DGKB: variants seen among roughly 807,000 people sequenced by gnomAD.
The protein encoded by DGKB is diacylglycerol kinase beta.
In DGKB, 67 loss-of-function variants were observed where a neutral mutation model predicts 114.3. The ratio of observed to expected loss-of-function variants is 0.59; its 90% CI spans 0.48 to 0.72. DGKB has a LOEUF of 0.72. DGKB is among the 30% of genes least tolerant of loss of function. The pLI, the probability that DGKB is intolerant of heterozygous loss-of-function variation, is 0.00. For synonymous variants in DGKB, 398 were observed against 323.1 expected (o/e 1.23, Z -2.49); for missense variants, 907 against 975.2 (o/e 0.93, Z 0.93).
intron 21 of DGKB, among the ~76,000 whole-genome samples, chr7:14,402,663 A>T (rs1170792480): frequency 4.6e-5 from 7 of 151,954 alleles, no homozygotes; most frequent in African/African-American, 1.7e-4. Flanking sequence ...AGGTACTATA[A>T]GAGTGATCAT....
At chr7:14,878,622 G>A (rs217571) in intron 1 of DGKB, among the ~76,000 whole-genome samples, 424 of 151,512 alleles carry the variant, frequency 2.8e-3, no homozygotes, top group South Asian at 6.3e-3. Flanking sequence ...AGTGGCGGGC[G>A]CCTGTAGTCC....
At chr7:14,486,663 G>T (rs1395945584) in intron 20 of DGKB, among the ~76,000 whole-genome samples, 1 of 152,152 alleles carries the variant, frequency 6.6e-6, no homozygotes, top group Non-Finnish European at 1.5e-5. Context: ...CAGGCAGACA[G>T]CAGAACGAAC....
intron 23 of DGKB, among the ~76,000 whole-genome samples, chr7:14,274,218 G>A (rs1333965801): frequency 2.6e-5 from 4 of 152,164 alleles, no homozygotes; most frequent in East Asian, 3.9e-4. Flanking sequence ...ATGTTCCTCT[G>A]CTCTTGGCAC....
At chr7:14,154,280 C>T (rs941718164) in intron 25 of DGKB, among the ~76,000 whole-genome samples, 2 of 148,068 alleles carry the variant, frequency 1.4e-5, no homozygotes, top group Non-Finnish European at 1.5e-5. Flanking sequence ...AAAATGTGAT[C>T]GTGGGTTAGT....
intron 7 of DGKB, 150 bp from the exon 8 acceptor site, chr7:14,698,319 G>A: frequency 2.0e-6 from 1 of 490,382 alleles, no homozygotes. Flanking sequence ...CCTTTTTAAA[G>A]GTCTAATTAA....
intron 23 of DGKB, among the ~76,000 whole-genome samples, chr7:14,214,171 C>T (rs1338178987): frequency 6.6e-6 from 1 of 152,174 alleles, no homozygotes; most frequent in Non-Finnish European, 1.5e-5. Flanking sequence ...TCCTTAAAAA[C>T]ACTTGGTCTT....
chr7:14,274,700 G>A (rs1798741244), intron 23 of DGKB, among the ~76,000 whole-genome samples: 1 of 152,058 alleles, frequency 6.6e-6, no homozygotes, highest in South Asian at 2.1e-4. Context: ...TATCTGGTGA[G>A]GGCTCTCTTG....
intron 7 of DGKB, among the ~76,000 whole-genome samples, chr7:14,699,125 T>C (rs1451718284): frequency 4.9e-5 from 5 of 102,826 alleles, no homozygotes; most frequent in African/African-American, 2.0e-4. Context: ...ACTCCCTCTC[T>C]CCAGAAAAAA....
chr7:14,313,737 G>A (rs1805891717), intron 23 of DGKB, among the ~76,000 whole-genome samples: 2 of 152,284 alleles, frequency 1.3e-5, no homozygotes, highest in South Asian at 4.1e-4. Flanking sequence ...GCTTGCTTAG[G>A]TAAACAAAGC....
intron 4 of DGKB, among the ~76,000 whole-genome samples, chr7:14,744,351 T>C (rs1212732076): frequency 6.6e-6 from 1 of 152,204 alleles, no homozygotes; most frequent in Non-Finnish European, 1.5e-5. Flanking sequence ...AGAGGTGTAC[T>C]TCCTTTTAAG....
intron 2 of DGKB, chr7:14,815,212 A>G (rs1586689861): frequency 6.6e-6 from 1 of 152,178 alleles, no homozygotes; most frequent in Non-Finnish European, 1.5e-5. Flanking sequence ...TCACTGTGGG[A>G]CAGGTATCAA....
rs546640126 is a variant in DGKB, at chr7:14,636,681, T to C, written c.1135-6413A>G. On this transcript the variant is annotated intron_variant, in intron 13 of 25. Coordinates refer to ENST00000402815, the MANE Select transcript of DGKB (RefSeq NM_001350709.2). ...ATTCCATAAATATGTCATCATCAGA[T>C]AGAATCTACCTGGCGGGCAAAAATC... 3.9e-5 allele frequency among the ~76,000 whole-genome samples: 6 copies of C among 151,958 alleles called. No homozygotes were observed. The South Asian group carries it at 1.2e-3, about 31-fold the overall frequency.
chr7:14,339,221 A>C (rs1811200379), intron 22 of DGKB, among the ~76,000 whole-genome samples: 1 of 151,572 alleles, frequency 6.6e-6, no homozygotes, highest in Admixed American at 6.6e-5. Flanking sequence ...AAAAAAAAAA[A>C]GTAAAATTCA....
chr7:14,957,011 C>G (rs562632985), intron 1 of DGKB, among the ~76,000 whole-genome samples: 1 of 152,028 alleles, frequency 6.6e-6, no homozygotes, highest in South Asian at 2.1e-4. Flanking sequence ...GTCAGTCATA[C>G]ACAAACATTT....
At chr7:14,234,618 A>G (rs914765290) in intron 23 of DGKB, among the ~76,000 whole-genome samples, 1 of 152,072 alleles carries the variant, frequency 6.6e-6, no homozygotes, top group African/African-American at 2.4e-5. Context: ...CTGAATCCAA[A>G]TAACAAAAAA....
chr7:14,535,937 A>C (rs1409629466), intron 20 of DGKB, among the ~76,000 whole-genome samples: 1 of 152,012 alleles, frequency 6.6e-6, no homozygotes, highest in Non-Finnish European at 1.5e-5. Context: ...AGACGTACTA[A>C]GAAAAAAAGA....
chr7:14,601,415 G>C (rs1446230523), intron 17 of DGKB, among the ~76,000 whole-genome samples: 1 of 152,076 alleles, frequency 6.6e-6, no homozygotes, highest in Non-Finnish European at 1.5e-5. Flanking sequence ...TTGATGAATA[G>C]CATTCTAGAT....
intron 1 of DGKB, among the ~76,000 whole-genome samples, chr7:14,871,686 C>T (rs1311222604): frequency 6.6e-6 from 1 of 152,128 alleles, no homozygotes; most frequent in South Asian, 2.1e-4. Context: ...TAGGAACACG[C>T]AGCTCACTCA....
intron 20 of DGKB, among the ~76,000 whole-genome samples, chr7:14,555,652 A>G (rs915053277): frequency 6.6e-6 from 1 of 152,178 alleles, no homozygotes; most frequent in Non-Finnish European, 1.5e-5. Context: ...CAGACAGTTA[A>G]GAAATTCTAA....
Sources: gnomAD v4.1 joint callset for allele counts (sites outside exome capture counted in the v4.1 genomes callset) on GRCh38, gnomAD v4.1.1 for gene constraint, MANE v1.5 for transcripts, NCBI Gene and HGNC (gene_info 2026-07-23, HGNC 2026-07-21) for gene names.